The following ARID4B variants were observed in gnomAD, a reference collection of about 807,000 sequenced individuals.
The protein encoded by ARID4B is AT-rich interaction domain 4B.
Under a neutral mutation model 147.5 loss-of-function variants are expected in ARID4B, and 26 were observed. The observed-to-expected ratio is 0.18, with a 90% CI of 0.13 to 0.24. The LOEUF is 0.24. ARID4B is among the 10% of genes least tolerant of loss of function. The pLI is 1.00. For missense variants in ARID4B, 1,179 were observed against 1,511.5 expected (o/e 0.78, Z 3.65); for synonymous variants, 512 against 507.9 (o/e 1.01, Z -0.11).
intron 17 of ARID4B, among the ~76,000 whole-genome samples, chr1:235,200,949 C>T (rs918743568): frequency 6.6e-6 from 1 of 152,074 alleles, no homozygotes; most frequent in Non-Finnish European, 1.5e-5. Flanking sequence ...CAACACCAGC[C>T]TGGCCAACAT....
intron 16 of ARID4B, among the ~76,000 whole-genome samples, chr1:235,218,174 T>C (rs1473138716): frequency 6.6e-6 from 1 of 152,156 alleles, no homozygotes; most frequent in Non-Finnish European, 1.5e-5. Flanking sequence ...CAGTCCCAAC[T>C]GCAATGCTTC....
Position 235,234,464 on chromosome 1 carries a change from A to G in ARID4B, c.614T>C (p.Ile205Thr), listed in dbSNP as rs1360099945. Reference sequence around the variant, plus strand: ...AAGAATATTGTCCTTTTTTACAGCAATCTCATCACTACAATCAGGACAAAC... The same window carrying G: ...AAGAATATTGTCCTTTTTTACAGCAGTCTCATCACTACAATCAGGACAAAC... ...LVVCPDCSDE[I>T]AVKKDNILVR... The change falls in exon 9 of 24, where the codon ATT becomes ACT. Residue 205 changes from isoleucine (I) to threonine (T), a missense_variant. Physicochemically the swap from Ile to Thr is moderately conservative, Grantham distance 89. This residue lies in a region of ARID4B where 159 missense variants were observed against 190.5 expected (regional missense o/e 0.83). Coordinates refer to ENST00000264183, the MANE Select transcript of ARID4B (RefSeq NM_016374.6). 3.1e-6 allele frequency: 5 copies of G among 1,607,106 alleles called. No individual in the cohort carries two copies. In the African/African-American group the frequency reaches 6.7e-5, roughly 21 times the overall value.
intron 2 of ARID4B, among the ~76,000 whole-genome samples, chr1:235,313,982 A>C (rs779395700): frequency 1.3e-5 from 2 of 152,222 alleles, no homozygotes; most frequent in Non-Finnish European, 2.9e-5. Flanking sequence ...ACTTAAACTC[A>C]TAAGAATCTG....
At chr1:235,265,060 C>CAA (rs57988002) in intron 2 of ARID4B, among the ~76,000 whole-genome samples, 2 of 120,322 alleles carry the variant, frequency 1.7e-5, no homozygotes, top group Admixed American at 8.8e-5. Flanking sequence ...AACTTCGTCT[C>CAA]AAAAAAAAAA....
intron 23 of ARID4B, among the ~76,000 whole-genome samples, chr1:235,169,809 G>T (rs1663210640): frequency 6.6e-6 from 1 of 151,906 alleles, no homozygotes; most frequent in Non-Finnish European, 1.5e-5. Flanking sequence ...TTACAGGCAT[G>T]CGCCACCATG....
chr1:235,205,892 C>G (rs1666276448), intron 17 of ARID4B, among the ~76,000 whole-genome samples: 1 of 151,944 alleles, frequency 6.6e-6, no homozygotes, highest in Non-Finnish European at 1.5e-5. Flanking sequence ...AACCTGGAAC[C>G]CTAACACATT....
intron 9 of ARID4B, among the ~76,000 whole-genome samples, chr1:235,232,744 A>T (rs1294315218): frequency 6.6e-6 from 1 of 152,092 alleles, no homozygotes; most frequent in Non-Finnish European, 1.5e-5. Flanking sequence ...CTTACCCCCC[A>T]ACAATTTAAT....
At chr1:235,177,362 C>A (rs1663960438) in intron 21 of ARID4B, among the ~76,000 whole-genome samples, 1 of 152,182 alleles carries the variant, frequency 6.6e-6, no homozygotes, top group African/African-American at 2.4e-5. Flanking sequence ...GATTTTTCAT[C>A]AGCAATCAAT....
At chr1:235,179,393 C>T (rs555021862) in intron 20 of ARID4B, among the ~76,000 whole-genome samples, 1 of 151,782 alleles carries the variant, frequency 6.6e-6, no homozygotes, top group African/African-American at 2.4e-5. Flanking sequence ...CAAAAATTAG[C>T]CGGGCGTTAA....
intron 17 of ARID4B, among the ~76,000 whole-genome samples, chr1:235,209,574 T>G (rs562782084): frequency 0.13 from 19,881 of 150,518 alleles, 1,592 homozygotes; most frequent in African/African-American, 0.2. Context: ...TTTTGTTTTT[T>G]TTTTTTTGAG....
chr1:235,170,710 C>G (rs942117249), intron 23 of ARID4B, among the ~76,000 whole-genome samples: 2 of 151,860 alleles, frequency 1.3e-5, no homozygotes, highest in Admixed American at 1.3e-4. Flanking sequence ...TACACTCCAG[C>G]CTGGATGACA....
chr1:235,309,109 G>C (rs1488275497), intron 2 of ARID4B, among the ~76,000 whole-genome samples: 2 of 149,820 alleles, frequency 1.3e-5, no homozygotes, highest in South Asian at 2.1e-4. Context: ...GAGATGTGGG[G>C]AGCACCTCTG....
intron 2 of ARID4B, among the ~76,000 whole-genome samples, chr1:235,289,626 AG>A (rs1672198553): frequency 6.6e-6 from 1 of 150,432 alleles, no homozygotes; most frequent in African/African-American, 2.4e-5. Flanking sequence ...CAGGAGGTTG[AG>A]GTGGGAGGAT....
At chr1:235,327,200 G>A (rs935193360) in intron 1 of ARID4B, 3 of 403,304 alleles carry the variant, frequency 7.4e-6, no homozygotes, top group East Asian at 4.2e-5. Flanking sequence ...GAGACCCGAC[G>A]GAGTTTCCCG....
chr1:235,268,518 C>T (rs902391743), intron 2 of ARID4B, among the ~76,000 whole-genome samples: 1 of 152,106 alleles, frequency 6.6e-6, no homozygotes, highest in African/African-American at 2.4e-5. Context: ...CAATAGCCTA[C>T]ATCTTGATTT....
chr1:235,293,163 T>G (rs895853024), intron 2 of ARID4B, among the ~76,000 whole-genome samples: 14 of 152,326 alleles, frequency 9.2e-5, no homozygotes, highest in African/African-American at 3.4e-4. Flanking sequence ...GGTGCTGCTA[T>G]CCTCAGTACC....
At chr1:235,299,221 T>G (rs556572851) in intron 2 of ARID4B, among the ~76,000 whole-genome samples, 57 of 152,356 alleles carry the variant, frequency 3.7e-4, no homozygotes, top group African/African-American at 1.3e-3. Context: ...GGTTTGGTTT[T>G]GTTTTTTATT....
intron 22 of ARID4B, among the ~76,000 whole-genome samples, chr1:235,173,407 T>C (rs1663512019): frequency 6.6e-6 from 1 of 151,962 alleles, no homozygotes; most frequent in Non-Finnish European, 1.5e-5. Context: ...AAATGCTAAA[T>C]TGTACACATT....
At chr1:235,171,109 T>C (rs1464167007) in intron 23 of ARID4B, among the ~76,000 whole-genome samples, 1 of 152,012 alleles carries the variant, frequency 6.6e-6, no homozygotes, top group Non-Finnish European at 1.5e-5. Context: ...CCTGCATTGG[T>C]TTTAGTTTTA....
Sources: allele counts gnomAD v4.1 joint callset (sites outside exome capture counted in the v4.1 genomes callset), GRCh38; gene constraint gnomAD v4.1.1; regional missense constraint gnomAD v4.1.1; transcripts MANE v1.5; gene names NCBI Gene and HGNC (gene_info 2026-07-23, HGNC 2026-07-21).